The following HOGA1 variants were observed in gnomAD, a reference collection of about 807,000 sequenced individuals.
The protein encoded by HOGA1 is 4-hydroxy-2-oxoglutarate aldolase, mitochondrial.
A neutral mutation model predicts 34.3 loss-of-function variants in HOGA1; 30 were observed. That is an observed-to-expected ratio of 0.87 (90% CI 0.65 to 1.19). The LOEUF (loss-of-function observed/expected upper bound fraction) is 1.19, where lower values mean the gene tolerates loss of function less well. Ranked by LOEUF, HOGA1 falls within the 50% of genes most tolerant of loss-of-function variation. The probability of loss-of-function intolerance (pLI) is 0.00; values close to 1 mark genes in which losing one functional copy is unlikely to be tolerated. For synonymous variants in HOGA1, 161 were observed against 174.0 expected (o/e 0.93, Z 0.59); for missense variants, 417 against 436.5 (o/e 0.96, Z 0.40).
rs948098688 is a variant in HOGA1 at position 97,584,523 on chromosome 10, G to A, written c.-181G>A. The A allele has an allele frequency of 2.6e-5, 16 of 611,768 alleles. No homozygotes were observed. The highest frequency in any genetic ancestry group is 1.0e-4 in the South Asian group (5 of 48,052). 37.9% of individuals were successfully genotyped at this position (611,768 alleles called of 1,614,324 possible). A position where few individuals can be genotyped will look rare whatever the true frequency, so the allele number is the denominator to read the frequency against. ...CCCAGAAGGAACAGGGCCCCCTGGGGCCTATAGGCCTTGCCCCTGACCCTG... is the reference window on the plus strand; with the variant it reads ...CCCAGAAGGAACAGGGCCCCCTGGGACCTATAGGCCTTGCCCCTGACCCTG... On this transcript the variant is annotated 5_prime_UTR_variant, in exon 1 of 7. Transcript: ENST00000370646.
rs60230634 is a variant in HOGA1 at position 97,606,128 on chromosome 10, C to CAAA, written c.834+4159_834+4161dup. Among the ~76,000 whole-genome samples, 265 of 95,184 alleles carry CAAA rather than the reference C, an allele frequency of 2.8e-3. 3 individuals carry two copies. Among genetic ancestry groups the CAAA allele is most frequent in the Middle Eastern group, 6.6e-3 (1 of 152 alleles). 62.4% of individuals were successfully genotyped at this position (95,184 alleles called of 152,430 possible). On this transcript the variant is annotated intron_variant, in intron 6 of 6. Transcript: ENST00000370646. Reference sequence around the variant, plus strand: ...TGAAACCCCGTCTCTACTAAAAATACAAAAAAAAAAAAAAAAAAAAAAATT... The same window carrying CAAA: ...TGAAACCCCGTCTCTACTAAAAATACAAAAAAAAAAAAAAAAAAAAAAAAAATT...
intron 6 of HOGA1, among the ~76,000 whole-genome samples, chr10:97,606,128 C>CTAAAAAAAAA (rs2041155691): frequency 1.1e-5 from 1 of 95,206 alleles, no homozygotes. Flanking sequence ...ACTAAAAATA[C>CTAAAAAAAAA]AAAAAAAAAA....
At chr10:97,590,265 C>A in intron 1 of HOGA1, 1 of 1,613,764 alleles carries the variant, frequency 6.2e-7, no homozygotes, top group Non-Finnish European at 8.5e-7. Context: ...GATGAGGCCA[C>A]GTGGGCCGCT....
intron 1 of HOGA1, among the ~76,000 whole-genome samples, chr10:97,595,204 T>C (rs1203369973): frequency 6.6e-6 from 1 of 152,166 alleles, no homozygotes; most frequent in Non-Finnish European, 1.5e-5. Context: ...GAGGGGGCCT[T>C]GTACACCCAC....
chr10:97,591,799 T>C (rs2041026065), intron 1 of HOGA1, among the ~76,000 whole-genome samples: 1 of 149,258 alleles, frequency 6.7e-6, no homozygotes, highest in South Asian at 2.1e-4. Context: ...TAATTTTTTT[T>C]TTTTCTTTTC....
intron 1 of HOGA1, among the ~76,000 whole-genome samples, chr10:97,586,203 A>G (rs1217242308): frequency 6.6e-6 from 1 of 152,024 alleles, no homozygotes; most frequent in Non-Finnish European, 1.5e-5. Flanking sequence ...TGCTGTCCCT[A>G]TCGGACACAT....
intron 1 of HOGA1, among the ~76,000 whole-genome samples, chr10:97,595,343 T>C (rs1310103933): frequency 1.3e-5 from 2 of 152,226 alleles, no homozygotes; most frequent in Admixed American, 6.5e-5. Flanking sequence ...CTAACACTTA[T>C]TGAGCACCAG....
At chr10:97,607,702 A>G (rs1353928706) in intron 6 of HOGA1, among the ~76,000 whole-genome samples, 1 of 152,132 alleles carries the variant, frequency 6.6e-6, no homozygotes, top group Non-Finnish European at 1.5e-5. Flanking sequence ...TAATATTTTT[A>G]TGTAACGTCC....
chr10:97,601,732 T>C, intron 5 of HOGA1, 125 bp from the exon 6 acceptor site: 1 of 1,139,090 alleles, frequency 8.8e-7, no homozygotes. Flanking sequence ...GCCTTTGATG[T>C]AGCCAGCCAA....
chr10:97,597,761 C>G (rs2041082416), intron 1 of HOGA1, among the ~76,000 whole-genome samples: 1 of 152,024 alleles, frequency 6.6e-6, no homozygotes, highest in Non-Finnish European at 1.5e-5. Flanking sequence ...TTCGAGCCAG[C>G]CTGGGCAAAA....
Position 97,601,930 on chromosome 10 carries a change from C to A in HOGA1, c.774C>A (p.Cys258Ter). The change falls in exon 6 of 7, where the codon TGC (cysteine) becomes TGA (stop). Residue 258 changes from cysteine (C) to a stop codon, truncating the protein, a stop_gained. Coordinates refer to ENST00000370646, the MANE Select transcript of HOGA1 (RefSeq NM_138413.4). LOFTEE classifies it high-confidence loss of function. ...AQVCQLERLC[C>*]TGQWEDAQKL... ...TGTGCCAGCTGGAGCGACTGTGCTGCACGGGGCAATGGGAAGATGCCCAGA... is the reference window on the plus strand; with the variant it reads ...TGTGCCAGCTGGAGCGACTGTGCTGAACGGGGCAATGGGAAGATGCCCAGA... 1.2e-6 allele frequency: 2 copies of A among 1,613,220 alleles called. No individual in the cohort carries two copies. Among genetic ancestry groups the A allele is most frequent in the South Asian group, 1.1e-5 (1 of 90,930 alleles).
chr10:97,602,252 A>G, intron 6 of HOGA1: 1 of 1,454,044 alleles, frequency 6.9e-7, no homozygotes, highest in Non-Finnish European at 9.2e-7. Flanking sequence ...TTTTGGGCCC[A>G]AGAAGATGCA....
chr10:97,612,423 G>C lies in HOGA1; in HGVS notation c.*764G>C, dbSNP rs1049683917. The C allele has an allele frequency of 6.6e-6, 1 of 152,226 alleles. No homozygotes were observed. The highest frequency in any genetic ancestry group is 2.4e-5 in the African/African-American group (1 of 41,438). The allele number at this position is 152,226 out of a possible 1,614,324, so 9.4% of individuals were successfully genotyped here. A position where few individuals can be genotyped will look rare whatever the true frequency, so the allele number is the denominator to read the frequency against. Reference sequence around the variant, plus strand: ...TCTGACTCCTTCCAGGGAAGTATCAGCTTAAGAAACTTGATCAGGAAAGTG... The same window carrying C: ...TCTGACTCCTTCCAGGGAAGTATCACCTTAAGAAACTTGATCAGGAAAGTG... On this transcript the variant is annotated 3_prime_UTR_variant, in exon 7 of 7. Coordinates refer to ENST00000370646, the MANE Select transcript of HOGA1 (RefSeq NM_138413.4).
In HOGA1 at chr10:97,585,753, G is replaced by A. The variant is rs185147970; in HGVS notation, c.211+839G>A. 1.0e-3 allele frequency among the ~76,000 whole-genome samples: 156 copies of A among 152,294 alleles called. 3 individuals are homozygous for A. Among genetic ancestry groups the A allele is most frequent in the Non-Finnish European group, 9.6e-4 (65 of 68,036 alleles). On this transcript the variant is annotated intron_variant, in intron 1 of 6. Coordinates refer to ENST00000370646, the MANE Select transcript of HOGA1 (RefSeq NM_138413.4). ...CGCTGACTCTCATTATAAACCCTTT[G>A]GAGCTGCTAGGCCACACTATTTCAA... is the stretch of plus-strand genomic sequence containing the variant.
rs1410663028 is a variant in HOGA1 at position 97,584,874 on chromosome 10, G to A, written c.171G>A (p.Leu57=). ...TATAEVDYGK[L]EENLHKLGTF... ...CTGCAGAGGTGGACTATGGGAAACT[G>A]GAGGAGAATCTGCACAAACTGGGCA... Residue 57 remains leucine (L), a synonymous_variant, in exon 1 of 7, where the codon CTG becomes CTA. Coordinates refer to ENST00000370646, the MANE Select transcript of HOGA1 (RefSeq NM_138413.4). 2 of 1,614,068 alleles carry A rather than the reference G, an allele frequency of 1.2e-6. No individual in the cohort carries two copies. Among genetic ancestry groups the A allele is most frequent in the Non-Finnish European group, 1.7e-6 (2 of 1,180,046 alleles).
intron 1 of HOGA1, among the ~76,000 whole-genome samples, chr10:97,593,820 G>A (rs575390685): frequency 4.1e-4 from 62 of 152,212 alleles, no homozygotes; most frequent in African/African-American, 1.3e-3. Flanking sequence ...AACAACACAA[G>A]CAAGGGTGCA....
At chr10:97,588,645 A>G (rs1265543374) in intron 1 of HOGA1, among the ~76,000 whole-genome samples, 2 of 152,238 alleles carry the variant, frequency 1.3e-5, no homozygotes, top group Non-Finnish European at 2.9e-5. Context: ...AAATGAGGTT[A>G]GCCAACCACA....
At position 97,601,919 on chromosome 10, in the gene HOGA1, C is replaced by T. The variant is rs796052086; in HGVS notation, c.763C>T (p.Arg255Ter). Residue 255 changes from arginine (R) to a stop codon, truncating the protein, a stop_gained, in exon 6 of 7, where the codon CGA (arginine) becomes TGA (stop). Transcript: ENST00000370646. LOFTEE classifies it high-confidence loss of function. ...VLGAQVCQLE[R>*]LCCTGQWEDA... is the part of the protein sequence containing the mutation. Reference sequence around the variant, plus strand: ...GGGGGCTCAGGTGTGCCAGCTGGAGCGACTGTGCTGCACGGGGCAATGGGA... The same window carrying T: ...GGGGGCTCAGGTGTGCCAGCTGGAGTGACTGTGCTGCACGGGGCAATGGGA... 1.9e-5 allele frequency: 31 copies of T among 1,612,874 alleles called. No individual in the cohort carries two copies. The highest frequency in any genetic ancestry group is 1.9e-4 in the Middle Eastern group (1 of 5,286).
At chr10:97,601,233 G>A (rs17108141) in intron 5 of HOGA1, among the ~76,000 whole-genome samples, 31,793 of 152,122 alleles carry the variant, frequency 0.21, 4,157 homozygotes, top group African/African-American at 0.38. Context: ...CTCCTATCTA[G>A]CCTTAGAAGC....
Sources: allele counts gnomAD v4.1 joint callset (sites outside exome capture counted in the v4.1 genomes callset), GRCh38; gene constraint gnomAD v4.1.1; transcripts MANE v1.5; gene names NCBI Gene and HGNC (gene_info 2026-07-23, HGNC 2026-07-21).